The following DZIP1 variants were observed in gnomAD, a reference collection of about 807,000 sequenced individuals.
The protein encoded by DZIP1 is cilium assembly protein DZIP1.
Under a neutral mutation model 107.6 loss-of-function variants are expected in DZIP1, and 97 were observed. The observed-to-expected ratio is 0.90, with a 90% CI of 0.77 to 1.07. The LOEUF is 1.07. DZIP1 is among the 50% of genes least tolerant of loss of function. The pLI is 0.00. For synonymous variants in DZIP1, 390 were observed against 386.4 expected, an observed-to-expected ratio of 1.01 and a Z score of -0.11; for missense variants, 1,035 against 1,063.6, an observed-to-expected ratio of 0.97 and a Z score of 0.37.
chr13:95,632,479 T>C (rs929558486), intron 6 of DZIP1, among the ~76,000 whole-genome samples: 3 of 152,104 alleles, frequency 2.0e-5, no homozygotes, highest in African/African-American at 7.2e-5. Flanking sequence ...ACAAAGCTGG[T>C]CCAGGCCCCC....
chr13:95,592,395 C>T (rs147242179), intron 16 of DZIP1, among the ~76,000 whole-genome samples: 1 of 152,310 alleles, frequency 6.6e-6, no homozygotes, highest in Non-Finnish European at 1.5e-5. Flanking sequence ...ACAGGAACCA[C>T]ACACATTCCA....
chr13:95,635,801 C>G (rs1485203167), intron 5 of DZIP1, among the ~76,000 whole-genome samples: 2 of 152,106 alleles, frequency 1.3e-5, no homozygotes, highest in African/African-American at 4.8e-5. Context: ...TACGGCCACT[C>G]TATCAGGGCA....
intron 12 of DZIP1, among the ~76,000 whole-genome samples, chr13:95,611,018 A>G (rs1475438920): frequency 6.6e-6 from 1 of 152,214 alleles, no homozygotes; most frequent in African/African-American, 2.4e-5. Flanking sequence ...AGACTGAAAC[A>G]CTATTCGTAT....
At chr13:95,592,063 A>G in intron 16 of DZIP1, among the ~76,000 whole-genome samples, 1 of 152,356 alleles carries the variant, frequency 6.6e-6, no homozygotes, top group Non-Finnish European at 1.5e-5. Context: ...GGGATTTCTT[A>G]TATGACAAAA....
At chr13:95,586,333 G>T (rs181005588) in intron 20 of DZIP1, among the ~76,000 whole-genome samples, 197 bp from the exon 21 acceptor site, 50 of 152,228 alleles carry the variant, frequency 3.3e-4, no homozygotes, top group Non-Finnish European at 1.9e-4. Flanking sequence ...TAATCCTTCA[G>T]ACTATGAGCT....
At chr13:95,589,340 G>A (rs1331368301) in intron 18 of DZIP1, 133 bp from the exon 19 acceptor site, 3 of 678,682 alleles carry the variant, frequency 4.4e-6, no homozygotes, top group East Asian at 5.5e-5. Context: ...AAGTCACCCA[G>A]CGTCAGTTAG....
At chr13:95,635,416 C>A (rs1356603690) in intron 5 of DZIP1, among the ~76,000 whole-genome samples, 2 of 152,146 alleles carry the variant, frequency 1.3e-5, no homozygotes, top group Non-Finnish European at 2.9e-5. Flanking sequence ...AGGCTGGGCA[C>A]GAACTCTCAA....
intron 12 of DZIP1, among the ~76,000 whole-genome samples, chr13:95,610,997 G>T (rs1444754792): frequency 6.6e-6 from 1 of 152,178 alleles, no homozygotes; most frequent in African/African-American, 2.4e-5. Context: ...TGCTATTATA[G>T]CAGAGAAAAT....
chr13:95,627,316 G>C (rs1876660020), intron 7 of DZIP1, among the ~76,000 whole-genome samples: 1 of 152,170 alleles, frequency 6.6e-6, no homozygotes, highest in South Asian at 2.1e-4. Context: ...ACATGCAAAA[G>C]TATAAAGTTG....
At chr13:95,586,182 A>G in intron 20 of DZIP1, 46 bp from the exon 21 acceptor site, 1 of 1,509,864 alleles carries the variant, frequency 6.6e-7, no homozygotes, top group Non-Finnish European at 8.9e-7. Context: ...TTAAAAATTT[A>G]ATCTATCTTT....
chr13:95,604,690 A>T (rs1306126354), intron 14 of DZIP1, among the ~76,000 whole-genome samples: 2 of 152,192 alleles, frequency 1.3e-5, no homozygotes, highest in African/African-American at 4.8e-5. Flanking sequence ...TATGACAAAG[A>T]AACTAGGAAC....
chr13:95,639,606 A>AAAAG, intron 5 of DZIP1, among the ~76,000 whole-genome samples: 1 of 149,034 alleles, frequency 6.7e-6, no homozygotes, highest in Non-Finnish European at 1.5e-5. Flanking sequence ...AAAAAAAAAA[A>AAAAG]AGAGAGAGAG....
At chr13:95,612,216 CATGTCAA>C in intron 10 of DZIP1, 39 bp from the exon 11 acceptor site, 1 of 1,592,288 alleles carries the variant, frequency 6.3e-7, no homozygotes, top group Non-Finnish European at 8.5e-7. Context: ...CTGTAAGCTG[CATGTCAA>C]ATGTCTTCAT....
chr13:95,593,242 C>T (rs754266855), intron 16 of DZIP1, among the ~76,000 whole-genome samples: 6 of 152,186 alleles, frequency 3.9e-5, no homozygotes, highest in Middle Eastern at 3.2e-3. Flanking sequence ...TCTGCATACA[C>T]ACATGGATAC....
At chr13:95,607,626 T>C (rs1174544999) in intron 13 of DZIP1, among the ~76,000 whole-genome samples, 1 of 152,128 alleles carries the variant, frequency 6.6e-6, no homozygotes, top group Non-Finnish European at 1.5e-5. Context: ...GCAAAATAGA[T>C]CATCTAGCCT....
chr13:95,590,544 G>T, intron 16 of DZIP1, 103 bp from the exon 17 acceptor site: 2 of 1,205,644 alleles, frequency 1.7e-6, no homozygotes, highest in Non-Finnish European at 2.3e-6. Flanking sequence ...ATCCTTACAG[G>T]GCTCCAGTTG....
intron 10 of DZIP1, among the ~76,000 whole-genome samples, chr13:95,614,101 C>T (rs1321948167): frequency 6.9e-6 from 1 of 145,424 alleles, no homozygotes; most frequent in Non-Finnish European, 1.5e-5. Context: ...ACTGTAGCCC[C>T]GGTGACAGAG....
At chr13:95,620,021 T>C (rs948545794) in intron 9 of DZIP1, 74 bp from the exon 10 acceptor site, 2 of 1,512,680 alleles carry the variant, frequency 1.3e-6, no homozygotes, top group African/African-American at 2.8e-5. Context: ...GCTTCCTTTT[T>C]AGTGAATACC....
In DZIP1 at chr13:95,584,850, C is replaced by T. The variant is rs1186714768; in HGVS notation, c.2410G>A (p.Gly804Arg). Residue 804 changes from glycine (G) to arginine (R), a missense_variant, in exon 22 of 23, where the codon GGA becomes AGA. By Grantham distance (125) the Gly-to-Arg change is moderately radical. Coordinates refer to ENST00000376829, the MANE Select transcript of DZIP1 (RefSeq NM_198968.4). Reference sequence around the variant, plus strand: ...TTCTGTTCTTTCCCAGATTTTTTTCCCAAAGATATCTCTTCCTCTAGGGAT... The same window carrying T: ...TTCTGTTCTTTCCCAGATTTTTTTCTCAAAGATATCTCTTCCTCTAGGGAT... ...ISSLEEEISL[G>R]KKSGKEQKEP... The T allele has an allele frequency of 6.2e-7, 1 of 1,613,908 alleles. No individual in the cohort carries two copies. The highest frequency in any genetic ancestry group is 8.5e-7 in the Non-Finnish European group (1 of 1,179,952).
Sources: allele counts gnomAD v4.1 joint callset (sites outside exome capture counted in the v4.1 genomes callset), GRCh38; gene constraint gnomAD v4.1.1; transcripts MANE v1.5; gene names NCBI Gene and HGNC (gene_info 2026-07-23, HGNC 2026-07-21).